Variants in GRM7 observed in about 807,000 individuals in gnomAD.
GRM7 encodes the protein metabotropic glutamate receptor 7.
GRM7 carries 35 observed loss-of-function variants against 84.5 expected under a neutral mutation model. That is an observed-to-expected ratio of 0.41 (90% confidence interval 0.32 to 0.55). GRM7 has a LOEUF of 0.55. Ranked by LOEUF, GRM7 falls within the 20% of genes least tolerant of loss-of-function variation. The pLI, the probability that GRM7 is intolerant of heterozygous loss-of-function variation, is 0.19. For missense variants in GRM7, 1,003 were observed against 1,194.6 expected (o/e 0.84, Z 2.36); for synonymous variants, 487 against 455.1 (o/e 1.07, Z -0.89).
intron 5 of GRM7, among the ~76,000 whole-genome samples, chr3:7,432,748 A>G (rs560943311): frequency 6.6e-6 from 1 of 152,356 alleles, no homozygotes; most frequent in African/African-American, 2.4e-5. Context: ...CAAAAATGAT[A>G]AAACACTGAA....
intron 2 of GRM7, among the ~76,000 whole-genome samples, chr3:7,271,027 G>A (rs1698833455): frequency 6.6e-6 from 1 of 152,092 alleles, no homozygotes; most frequent in African/African-American, 2.4e-5. Context: ...CTCAAGATTA[G>A]CCCTTGAAAC....
intron 2 of GRM7, among the ~76,000 whole-genome samples, chr3:7,153,744 A>C (rs938660132): frequency 6.6e-6 from 1 of 152,118 alleles, no homozygotes; most frequent in African/African-American, 2.4e-5. Flanking sequence ...ACTATTTCAG[A>C]GTACCTTCTT....
chr3:7,697,746 C>T (rs1701073299), intron 9 of GRM7, among the ~76,000 whole-genome samples: 1 of 152,088 alleles, frequency 6.6e-6, no homozygotes, highest in African/African-American at 2.4e-5. Flanking sequence ...TGCATATCTC[C>T]CCAAGGCCAG....
intron 1 of GRM7, among the ~76,000 whole-genome samples, chr3:7,050,791 G>A (rs1696968192): frequency 6.6e-6 from 1 of 151,844 alleles, no homozygotes; most frequent in Admixed American, 6.6e-5. Flanking sequence ...ATATTGACAA[G>A]TACTTGCAAT....
intron 1 of GRM7, among the ~76,000 whole-genome samples, chr3:7,052,709 A>T (rs1438382980): frequency 1.4e-5 from 2 of 138,412 alleles, no homozygotes; most frequent in African/African-American, 5.9e-5. Context: ...ATGTTATTGC[A>T]AGTATCGGTA....
At chr3:6,883,341 A>G (rs1165378218) in intron 1 of GRM7, among the ~76,000 whole-genome samples, 1 of 151,942 alleles carries the variant, frequency 6.6e-6, no homozygotes, top group Non-Finnish European at 1.5e-5. Flanking sequence ...TTATAATCTC[A>G]TGTTTATAGA....
At chr3:7,627,803 C>T (rs1015784050) in intron 8 of GRM7, among the ~76,000 whole-genome samples, 26 of 152,104 alleles carry the variant, frequency 1.7e-4, no homozygotes, top group Non-Finnish European at 1.3e-4. Context: ...TGTGTTTTTA[C>T]GTGGTCTTTC....
At chr3:7,071,387 C>T (rs1445907537) in intron 1 of GRM7, among the ~76,000 whole-genome samples, 1 of 152,104 alleles carries the variant, frequency 6.6e-6, no homozygotes, top group African/African-American at 2.4e-5. Context: ...TTCCAGGCTC[C>T]ATCCCTGCTT....
intron 1 of GRM7, among the ~76,000 whole-genome samples, chr3:7,048,543 A>G (rs1260076936): frequency 6.6e-6 from 1 of 151,946 alleles, no homozygotes; most frequent in Non-Finnish European, 1.5e-5. Flanking sequence ...TAGAAGTAAC[A>G]GATTTATAGC....
chr3:7,654,566 G>C (rs1699097840), intron 8 of GRM7, among the ~76,000 whole-genome samples: 1 of 152,168 alleles, frequency 6.6e-6, no homozygotes, highest in African/African-American at 2.4e-5. Context: ...ACTGTTTCCA[G>C]TCCAGTGAAG....
chr3:7,658,326 C>T (rs1170001095), intron 8 of GRM7, among the ~76,000 whole-genome samples: 5 of 152,132 alleles, frequency 3.3e-5, no homozygotes, highest in East Asian at 1.9e-4. Context: ...TCTAAAAAGT[C>T]AGAGAGGGAA....
At chr3:7,645,707 T>A (rs1698604893) in intron 8 of GRM7, among the ~76,000 whole-genome samples, 1 of 152,074 alleles carries the variant, frequency 6.6e-6, no homozygotes, top group Admixed American at 6.6e-5. Flanking sequence ...GAAGCAGCAG[T>A]GTGGTTCTGT....
chr3:6,959,199 G>C (rs1004823945), intron 1 of GRM7, among the ~76,000 whole-genome samples: 3 of 152,158 alleles, frequency 2.0e-5, no homozygotes, highest in African/African-American at 7.2e-5. Flanking sequence ...ATTTTACAGA[G>C]GAAGAAAGGA....
chr3:7,343,984 C>G (rs747349179), intron 4 of GRM7, among the ~76,000 whole-genome samples: 3 of 152,100 alleles, frequency 2.0e-5, no homozygotes, highest in East Asian at 1.9e-4. Flanking sequence ...TTTGTCTGAA[C>G]TTAAAATCAG....
intron 2 of GRM7, among the ~76,000 whole-genome samples, chr3:7,228,519 A>T (rs1271650531): frequency 1.3e-5 from 2 of 152,192 alleles, no homozygotes; most frequent in African/African-American, 4.8e-5. Context: ...TCTGTTCCAG[A>T]TCTTGTATTG....
intron 8 of GRM7, among the ~76,000 whole-genome samples, chr3:7,661,895 T>C (rs1187422873): frequency 2.7e-5 from 4 of 149,104 alleles, no homozygotes; most frequent in African/African-American, 7.4e-5. Context: ...TACCACATGA[T>C]CCAGCCATTC....
At chr3:7,255,405 C>G (rs1414584984) in intron 2 of GRM7, among the ~76,000 whole-genome samples, 1 of 152,184 alleles carries the variant, frequency 6.6e-6, no homozygotes, top group Admixed American at 6.5e-5. Flanking sequence ...CTCCCCGCTT[C>G]CTTTTCAGTT....
At chr3:7,289,893 GA>G (rs1185068504) in intron 2 of GRM7, among the ~76,000 whole-genome samples, 1 of 151,394 alleles carries the variant, frequency 6.6e-6, no homozygotes, top group African/African-American at 2.4e-5. Flanking sequence ...AGCATTAGGA[GA>G]AATACCTAAT....
intron 2 of GRM7, among the ~76,000 whole-genome samples, chr3:7,270,100 T>C (rs531714675): frequency 4.1e-4 from 62 of 152,376 alleles, no homozygotes; most frequent in African/African-American, 1.5e-3. Context: ...TTTACATTTC[T>C]AAGATGTTCT....
Sources: allele counts gnomAD v4.1 joint callset (sites outside exome capture counted in the v4.1 genomes callset), GRCh38; gene constraint gnomAD v4.1.1; transcripts MANE v1.5; gene names NCBI Gene and HGNC (gene_info 2026-07-23, HGNC 2026-07-21).